DGKI: variants seen among roughly 807,000 people sequenced by gnomAD.
The protein encoded by DGKI is DAG kinase iota.
Under a neutral mutation model 147.5 loss-of-function variants are expected in DGKI, and 55 were observed. The ratio of observed to expected loss-of-function variants is 0.37; its 90% confidence interval spans 0.30 to 0.47. The LOEUF (loss-of-function observed/expected upper bound fraction) is 0.47, where lower values mean the gene tolerates loss of function less well. Ranked by LOEUF, DGKI falls within the 20% of genes least tolerant of loss-of-function variation. The pLI is 1.00. For missense variants in DGKI, 1,007 were observed against 1,323.8 expected (o/e 0.76, Z 3.71); for synonymous variants, 469 against 477.1 (o/e 0.98, Z 0.22).
chr7:137,562,962 A>T (rs1398026824), intron 19 of DGKI, among the ~76,000 whole-genome samples: 2 of 152,150 alleles, frequency 1.3e-5, no homozygotes, highest in East Asian at 3.9e-4. Flanking sequence ...TTATGCAAGA[A>T]AAGAAATTTA....
chr7:137,415,823 T>TA (rs925311952), intron 28 of DGKI, among the ~76,000 whole-genome samples: 1 of 151,678 alleles, frequency 6.6e-6, no homozygotes, highest in Non-Finnish European at 1.5e-5. Flanking sequence ...CTACTAAAAA[T>TA]AAAAAAATAT....
chr7:137,527,704 G>C (rs1817200808), intron 20 of DGKI, among the ~76,000 whole-genome samples: 1 of 152,070 alleles, frequency 6.6e-6, no homozygotes. Flanking sequence ...CCAGGCATTT[G>C]CTACTCATAT....
intron 27 of DGKI, among the ~76,000 whole-genome samples, chr7:137,449,474 T>C (rs74890613): frequency 0.014 from 2,194 of 152,312 alleles, 53 homozygotes; most frequent in African/African-American, 0.05. Flanking sequence ...GCACACCATG[T>C]GCAAAAATCA....
intron 1 of DGKI, among the ~76,000 whole-genome samples, chr7:137,807,932 C>T (rs1220417827): frequency 1.3e-5 from 2 of 152,110 alleles, no homozygotes; most frequent in Non-Finnish European, 2.9e-5. Flanking sequence ...TCCTCCAGAG[C>T]GAATATAGGT....
intron 8 of DGKI, among the ~76,000 whole-genome samples, chr7:137,619,603 G>A (rs938400747): frequency 2.0e-5 from 3 of 152,132 alleles, no homozygotes; most frequent in African/African-American, 7.2e-5. Flanking sequence ...TCCTGCTCTA[G>A]AACTTTGAAT....
intron 28 of DGKI, among the ~76,000 whole-genome samples, chr7:137,416,553 C>T (rs1170510720): frequency 2.6e-5 from 4 of 152,130 alleles, no homozygotes; most frequent in African/African-American, 7.2e-5. Context: ...GTGAGTCTGA[C>T]ACCAAGATAA....
At chr7:137,797,078 C>T (rs1326456589) in intron 1 of DGKI, among the ~76,000 whole-genome samples, 1 of 152,058 alleles carries the variant, frequency 6.6e-6, no homozygotes, top group African/African-American at 2.4e-5. Flanking sequence ...AATAATATGC[C>T]AGCAATCTTC....
intron 1 of DGKI, among the ~76,000 whole-genome samples, chr7:137,800,350 A>G (rs930927180): frequency 1.3e-5 from 2 of 152,234 alleles, no homozygotes; most frequent in African/African-American, 4.8e-5. Flanking sequence ...CGTTTGGGTC[A>G]TGGGGGCAGA....
At chr7:137,517,689 T>C (rs1433434580) in intron 21 of DGKI, among the ~76,000 whole-genome samples, 1 of 152,142 alleles carries the variant, frequency 6.6e-6, no homozygotes, top group South Asian at 2.1e-4. Flanking sequence ...TCTAAAATTA[T>C]TCCAAAATAA....
At chr7:137,523,845 G>A (rs1465852692) in intron 20 of DGKI, among the ~76,000 whole-genome samples, 1 of 146,234 alleles carries the variant, frequency 6.8e-6, no homozygotes, top group East Asian at 1.9e-4. Context: ...TCATTTACAG[G>A]TAGGGAAACT....
intron 23 of DGKI, among the ~76,000 whole-genome samples, chr7:137,481,763 C>T (rs1815381409): frequency 6.6e-6 from 1 of 151,994 alleles, no homozygotes. Context: ...CACGTGTACA[C>T]CTTTCTAAAT....
intron 3 of DGKI, among the ~76,000 whole-genome samples, chr7:137,665,127 C>T (rs905566099): frequency 6.6e-6 from 1 of 152,178 alleles, no homozygotes; most frequent in Non-Finnish European, 1.5e-5. Flanking sequence ...CCAGATCATG[C>T]TGTGTTGCAG....
At chr7:137,493,934 A>T (rs1214497774) in intron 21 of DGKI, 3 of 583,534 alleles carry the variant, frequency 5.1e-6, no homozygotes, top group Admixed American at 6.1e-5. Flanking sequence ...TAAAGAATAC[A>T]ATAAAATGAT....
chr7:137,678,505 T>C (rs765897628), intron 3 of DGKI, 52 bp downstream of exon 3: 20 of 1,562,884 alleles, frequency 1.3e-5, no homozygotes, highest in Non-Finnish European at 1.7e-5. Flanking sequence ...GTGACCCCTC[T>C]ATTCATTCAG....
intron 5 of DGKI, among the ~76,000 whole-genome samples, chr7:137,648,125 TCAGA>T (rs1333230266): frequency 6.6e-6 from 1 of 152,142 alleles, no homozygotes; most frequent in African/African-American, 2.4e-5. Context: ...TATAAAAATG[TCAGA>T]CAGTATCATA....
At chr7:137,407,492 C>T (rs986898954) in intron 30 of DGKI, among the ~76,000 whole-genome samples, 6 of 151,996 alleles carry the variant, frequency 3.9e-5, no homozygotes, top group African/African-American at 1.2e-4. Context: ...ATCTTCACAA[C>T]GATGAACCGC....
chr7:137,768,187 T>C (rs1443301170), intron 1 of DGKI, among the ~76,000 whole-genome samples: 1 of 152,244 alleles, frequency 6.6e-6, no homozygotes, highest in African/African-American at 2.4e-5. Flanking sequence ...CGGTACCTAA[T>C]ACTATCATCT....
intron 1 of DGKI, among the ~76,000 whole-genome samples, chr7:137,802,214 T>C (rs1669195183): frequency 6.6e-6 from 1 of 152,050 alleles, no homozygotes; most frequent in African/African-American, 2.4e-5. Context: ...AAGGATAATA[T>C]ATGAACTTTG....
chr7:137,835,965 G>T (rs1247971368), intron 1 of DGKI, among the ~76,000 whole-genome samples: 3 of 152,174 alleles, frequency 2.0e-5, no homozygotes, highest in African/African-American at 7.2e-5. Context: ...ATGTACAATG[G>T]CTATGAAAAC....
Sources: gnomAD v4.1 joint callset for allele counts (sites outside exome capture counted in the v4.1 genomes callset) on GRCh38, gnomAD v4.1.1 for gene constraint, MANE v1.5 for transcripts, NCBI Gene and HGNC (gene_info 2026-07-23, HGNC 2026-07-21) for gene names.